Variants in GYS1 observed in about 807,000 individuals in gnomAD.
The protein encoded by GYS1 is glycogen [starch] synthase, muscle.
In GYS1, 60 loss-of-function variants were observed where a neutral mutation model predicts 89.1. The ratio of observed to expected loss-of-function variants is 0.67; its 90% CI spans 0.55 to 0.84. GYS1 has a LOEUF of 0.84. GYS1 is among the 40% of genes least tolerant of loss of function. The pLI is 0.00. For synonymous variants in GYS1, 366 were observed against 401.7 expected, an observed-to-expected ratio of 0.91 and a Z score of 1.06; for missense variants, 888 against 1,003.1, an observed-to-expected ratio of 0.89 and a Z score of 1.55.
chr19:48,975,911 C>CAAAAAAA (rs760164673), intron 10 of GYS1, among the ~76,000 whole-genome samples: 3 of 41,364 alleles, frequency 7.3e-5, no homozygotes, highest in Non-Finnish European at 9.9e-5. Context: ...GACTCCGTCT[C>CAAAAAAA]AAAAAAAAAA....
chr19:48,970,477 C>T, intron 14 of GYS1, 69 bp downstream of exon 14: 1 of 1,329,292 alleles, frequency 7.5e-7, no homozygotes, highest in Non-Finnish European at 1.1e-6. Context: ...GACCCTGCAC[C>T]CTGCACCAAA....
chr19:48,970,977 G>A lies in GYS1; in HGVS notation c.1596C>T (p.Ser532=). Residue 532 remains serine, a synonymous_variant, in exon 13 of 16, where the codon TCC becomes TCT. Transcript: ENST00000323798. ...GTTCCTCCATGAAGCAGCCGAAGCC[G>A]GAGAGATTGGTGGAGATACTGGGGA... is the stretch of plus-strand genomic sequence containing the variant. ...MGIPSISTNL[S]GFGCFMEEHI... 3 of 1,614,058 alleles carry A rather than the reference G, an allele frequency of 1.9e-6. No homozygotes were observed. Among genetic ancestry groups the A allele is most frequent in the South Asian group, 1.1e-5 (1 of 91,074 alleles).
At chr19:48,979,488 C>CA (rs1360425001) in intron 8 of GYS1, among the ~76,000 whole-genome samples, 1 of 150,598 alleles carries the variant, frequency 6.6e-6, no homozygotes, top group Non-Finnish European at 1.5e-5. Flanking sequence ...AAGCGTGCGC[C>CA]ACCACATCTG....
chr19:48,977,603 A>G (rs1227928200), intron 10 of GYS1, among the ~76,000 whole-genome samples: 2 of 152,086 alleles, frequency 1.3e-5, no homozygotes, highest in Non-Finnish European at 2.9e-5. Flanking sequence ...AAAATAAATA[A>G]ATAAATATAA....
At chr19:48,984,934 T>C (rs1247089596) in intron 5 of GYS1, among the ~76,000 whole-genome samples, 1 of 152,078 alleles carries the variant, frequency 6.6e-6, no homozygotes, top group Non-Finnish European at 1.5e-5. Context: ...TTGGATGATT[T>C]TGCCCAGTCG....
intron 12 of GYS1, among the ~76,000 whole-genome samples, chr19:48,973,682 C>T: frequency 6.6e-6 from 1 of 151,954 alleles, no homozygotes; most frequent in East Asian, 1.9e-4. Context: ...CCACACCTGG[C>T]TAATTTTTGT....
Position 48,991,581 on chromosome 19 carries a change from CA to C in GYS1, c.119-99del. The C allele has an allele frequency of 7.6e-7, 1 of 1,318,098 alleles. No individual in the cohort carries two copies. Among genetic ancestry groups the C allele is most frequent in the East Asian group, 2.3e-5 (1 of 43,356 alleles). 81.7% of individuals were successfully genotyped at this position (1,318,098 alleles called of 1,614,324 possible). A position where few individuals can be genotyped will look rare whatever the true frequency, so the allele number is the denominator to read the frequency against. ...GGGGATGTAGGGGGCACTCAGGCCC[CA>C]GACCTCTAGCTCAGGGGGAAGAGGG... is the stretch of plus-strand genomic sequence containing the variant. On this transcript the variant is annotated intron_variant, in intron 1 of 15. Coordinates refer to ENST00000323798, the MANE Select transcript of GYS1 (RefSeq NM_002103.5). The surrounding 1 kb of genome is among the most constrained non-coding windows in gnomAD (Gnocchi z 4.7).
At chr19:48,989,953 C>G (rs910055515) in intron 2 of GYS1, among the ~76,000 whole-genome samples, 1 of 144,604 alleles carries the variant, frequency 6.9e-6, no homozygotes, top group Non-Finnish European at 1.5e-5. Flanking sequence ...CCTGGAGCCT[C>G]GCTCTGAGGT....
chr19:48,987,014 T>A (rs764754680), intron 3 of GYS1, among the ~76,000 whole-genome samples, 180 bp downstream of exon 3: 1 of 152,164 alleles, frequency 6.6e-6, no homozygotes, highest in Non-Finnish European at 1.5e-5. Context: ...GTAAATGAAG[T>A]TGGCATCGAG....
intron 11 of GYS1, 81 bp downstream of exon 11, chr19:48,974,539 A>AG: frequency 9.3e-7 from 1 of 1,070,094 alleles, no homozygotes; most frequent in Non-Finnish European, 1.4e-6. Flanking sequence ...TAAAACTTAT[A>AG]GGGGAATGGA....
Position 48,973,265 on chromosome 19 carries a change from T to C in GYS1, c.1549+948A>G, listed in dbSNP as rs111833282. On this transcript the variant is annotated intron_variant, in intron 12 of 15. Coordinates refer to ENST00000323798, the MANE Select transcript of GYS1 (RefSeq NM_002103.5). Reference sequence around the variant, plus strand: ...CCATGACTGAGTTTTCTGAGGCCTCTCCAGACATGTGGAACGGTGAGTCAA... The same window carrying C: ...CCATGACTGAGTTTTCTGAGGCCTCCCCAGACATGTGGAACGGTGAGTCAA... Among the ~76,000 whole-genome samples, 836 of 152,150 alleles carry C rather than the reference T, an allele frequency of 5.5e-3. 6 individuals carry two copies. The highest frequency in any genetic ancestry group is 0.019 in the African/African-American group (806 of 41,512).
chr19:48,969,336 C>T lies in GYS1; in HGVS notation c.2166G>A (p.Pro722=), dbSNP rs982546947. The change falls in exon 16 of 16, where the codon CCG becomes CCA. Residue 722 remains proline (P), a synonymous_variant. Coordinates refer to ENST00000323798, the MANE Select transcript of GYS1 (RefSeq NM_002103.5). The part of the protein sequence containing the change: ...DTATSSSLST[P]SEPLSPTSSL... ...AGCTGGTGGGGCTGAGGGGCTCGCT[C>T]GGGGTGCTGAGTGAGCTGGAGGTGG... 12 of 1,584,410 alleles carry T rather than the reference C, an allele frequency of 7.6e-6. No homozygotes were observed. Among genetic ancestry groups the T allele is most frequent in the East Asian group, 4.6e-5 (2 of 43,652 alleles).
At position 48,982,410 on chromosome 19, in the gene GYS1, C is replaced by T. The variant is rs752661718; in HGVS notation, c.942-35G>A. 4 of 1,613,044 alleles carry T rather than the reference C, an allele frequency of 2.5e-6. No homozygotes were observed. The Admixed American group carries it at 5.0e-5, about 20-fold the overall frequency. ...CCACAAGGCACGGTAAAGCCCAAAG[C>T]CCTCACCCGCTAGCCCTGGCCTCAA... On this transcript the variant is annotated intron_variant, in intron 6 of 15. Coordinates refer to ENST00000323798, the MANE Select transcript of GYS1 (RefSeq NM_002103.5).
rs200931260 is a variant in GYS1, at chr19:48,993,163, G to C, written c.-51C>G. The C allele has an allele frequency of 9.8e-7, 1 of 1,025,166 alleles. No homozygotes were observed. Among genetic ancestry groups the C allele is most frequent in the African/African-American group, 1.6e-5 (1 of 63,824 alleles). The allele number at this position is 1,025,166 out of a possible 1,614,324, so 63.5% of individuals were successfully genotyped here. ...GGGATCTCCAGGTAGGGACCCCGGA[G>C]GTGTCTAGGGAATGCACCAGGTAGG... On this transcript the variant is annotated 5_prime_UTR_variant, in exon 1 of 16. Transcript: ENST00000323798.
rs1270513281 is a variant in GYS1, at chr19:48,985,051, G to T, written c.823+410C>A. On this transcript the variant is annotated intron_variant, in intron 5 of 15. Coordinates refer to ENST00000323798, the MANE Select transcript of GYS1 (RefSeq NM_002103.5). ...GCATTTTTTTATTTTTTGAGACAGG[G>T]TCTCACTGTGTCACCCAGGCTGTGA... is the stretch of plus-strand genomic sequence containing the variant. Among the ~76,000 whole-genome samples the T allele has an allele frequency of 2.6e-5, 4 of 152,186 alleles. No homozygotes were observed. In the South Asian group the frequency reaches 8.3e-4, roughly 32 times the overall value.
intron 8 of GYS1, chr19:48,978,374 A>T (rs8107231): frequency 2.0e-5 from 11 of 553,306 alleles, no homozygotes; most frequent in Non-Finnish European, 3.6e-5. Context: ...TACAGGCATG[A>T]GCCACCGCGC....
Position 48,982,556 on chromosome 19 carries a change from T to C in GYS1, c.941+164A>G, listed in dbSNP as rs73577750. Among the ~76,000 whole-genome samples, 1,871 of 152,234 alleles carry C rather than the reference T, an allele frequency of 0.012. 34 individuals carry two copies. The highest frequency in any genetic ancestry group is 0.043 in the African/African-American group (1,786 of 41,520). On this transcript the variant is annotated intron_variant, in intron 6 of 15. Transcript: ENST00000323798. ...TTTAGATGGAGATTTCCTTTAATCCTGAGCCCATTGTTCCAGCGCTCAAGA... is the reference window on the plus strand; with the variant it reads ...TTTAGATGGAGATTTCCTTTAATCCCGAGCCCATTGTTCCAGCGCTCAAGA...
intron 2 of GYS1, among the ~76,000 whole-genome samples, 165 bp from the exon 3 acceptor site, chr19:48,987,550 A>G (rs187922635): frequency 1.3e-5 from 2 of 152,236 alleles, no homozygotes; most frequent in Admixed American, 1.3e-4. Context: ...CTGCTGCCTT[A>G]GCCTTACTTC....
At chr19:48,978,945 A>C (rs1368818338) in intron 8 of GYS1, among the ~76,000 whole-genome samples, 1 of 152,206 alleles carries the variant, frequency 6.6e-6, no homozygotes, top group Non-Finnish European at 1.5e-5. Flanking sequence ...TGGAAGGCTT[A>C]GGACCCACGT....
Sources: gnomAD v4.1 joint callset for allele counts (sites outside exome capture counted in the v4.1 genomes callset) on GRCh38, gnomAD v4.1.1 for gene constraint, Gnocchi (gnomAD v3.1) non-coding constraint, MANE v1.5 for transcripts, NCBI Gene and HGNC (gene_info 2026-07-23, HGNC 2026-07-21) for gene names.